ZC3H10: variants seen among roughly 807,000 people sequenced by gnomAD.
The protein encoded by ZC3H10 is zinc finger CCCH domain-containing protein 10.
A neutral mutation model predicts 24.3 loss-of-function variants in ZC3H10; 12 were observed. The ratio of observed to expected loss-of-function variants is 0.49; its 90% CI spans 0.32 to 0.80. The LOEUF (loss-of-function observed/expected upper bound fraction) is 0.80. Ranked by LOEUF, ZC3H10 falls within the 30% of genes least tolerant of loss-of-function variation. The pLI is 0.04. For synonymous variants in ZC3H10, 226 were observed against 217.0 expected (o/e 1.04, Z -0.36); for missense variants, 360 against 576.3 (o/e 0.62, Z 3.84).
intron 2 of ZC3H10, chr12:56,119,785 G>A (rs945210046): frequency 6.6e-6 from 1 of 152,102 alleles, no homozygotes; most frequent in Non-Finnish European, 1.5e-5. Context: ...TAGGAAGGGG[G>A]TGGGGAATGG....
rs1869852833 is a variant in ZC3H10 at position 56,121,849 on chromosome 12, C to G, written c.1287C>G (p.Ile429Met). The G allele has an allele frequency of 1.9e-6, 3 of 1,610,582 alleles. No homozygotes were observed. The African/African-American group carries it at 4.0e-5, about 21-fold the overall frequency. Reference protein sequence around the residue: ...TYPIASQSMRITAMPH With the variant: ...TYPIASQSMRMTAMPH The stretch of plus-strand genomic sequence containing the variant: ...CTATCGCTTCCCAGAGCATGCGCAT[C>G]ACGGCCATGCCACACTGATGGGGCT... Residue 429 changes from isoleucine to methionine, a missense_variant, in exon 3 of 3, where the codon ATC becomes ATG. Physicochemically the swap from Ile to Met is conservative, Grantham distance 10. Coordinates refer to ENST00000257940, the MANE Select transcript of ZC3H10 (RefSeq NM_032786.3). This position sits in a 1 kb window ranked among gnomAD's most constrained non-coding sequence, Gnocchi z 6.2.
chr12:56,124,431 C>T lies in ZC3H10; in HGVS notation c.*2564C>T, dbSNP rs1386607017. The T allele has an allele frequency of 1.3e-5, 2 of 152,208 alleles. No individual in the cohort carries two copies. The highest frequency in any genetic ancestry group is 2.9e-5 in the Non-Finnish European group (2 of 68,036). The allele number at this position is 152,208 out of a possible 1,614,324, so 9.4% of individuals were successfully genotyped here. A position where few individuals can be genotyped will look rare whatever the true frequency, so the allele number is the denominator to read the frequency against. Reference sequence around the variant, plus strand: ...GCCAGTTCCCAGATTACAGGAGCTACTTTCCTCTCTCTCACCTGCTAAGTC... The same window carrying T: ...GCCAGTTCCCAGATTACAGGAGCTATTTTCCTCTCTCTCACCTGCTAAGTC... On this transcript the variant is annotated 3_prime_UTR_variant, in exon 3 of 3. Transcript: ENST00000257940.
intron 1 of ZC3H10, chr12:56,118,656 G>C (rs1869711596): frequency 6.6e-6 from 1 of 152,238 alleles, no homozygotes; most frequent in Non-Finnish European, 1.5e-5. Flanking sequence ...CTTGCTGCGG[G>C]AAAACTCCTA....
chr12:56,127,487 A>G lies in ZC3H10; in HGVS notation c.*5620A>G, dbSNP rs1328811392. On this transcript the variant is annotated 3_prime_UTR_variant, in exon 3 of 3. Transcript: ENST00000257940. ...CTTACTAACTCTTGGAAATTTCCAA[A>G]AAGAAATAAAGCCTCACTTTCTATT... 1 of 152,232 alleles carries G rather than the reference A, an allele frequency of 6.6e-6. No homozygotes were observed. The highest frequency in any genetic ancestry group is 1.5e-5 in the Non-Finnish European group (1 of 68,040). The allele number at this position is 152,232 out of a possible 1,614,324, so 9.4% of individuals were successfully genotyped here. A position where few individuals can be genotyped will look rare whatever the true frequency, so the allele number is the denominator to read the frequency against.
In ZC3H10 at chr12:56,120,958, T is replaced by A. The variant is rs767746603; in HGVS notation, c.396T>A (p.Asn132Lys). Residue 132 changes from asparagine to lysine, a missense_variant, in exon 3 of 3, where the codon AAT (asparagine) becomes AAA (lysine). Around this residue, in one of 3 missense-constraint regions of ZC3H10, gnomAD observed 126 missense variants for 208.8 expected, o/e 0.60. Transcript: ENST00000257940. ...GLGLSPADLP[N>K]GKEEVPICRD... ...GCCTTTCACCGGCTGACCTACCAAA[T>A]GGCAAGGAGGAGGTCCCTATCTGCC... 33 of 1,613,950 alleles carry A rather than the reference T, an allele frequency of 2.0e-5. No individual in the cohort carries two copies. Among genetic ancestry groups the A allele is most frequent in the Non-Finnish European group, 2.7e-5 (32 of 1,180,018 alleles).
chr12:56,120,298 G>A (rs371551009), intron 2 of ZC3H10: 25 of 985,282 alleles, frequency 2.5e-5, no homozygotes, highest in East Asian at 2.3e-4. Flanking sequence ...TCCCTCCTCC[G>A]TTAGCCAGGC....
At chr12:56,120,350 T>G in intron 2 of ZC3H10, 161 bp from the exon 3 acceptor site, 2 of 985,440 alleles carry the variant, frequency 2.0e-6, no homozygotes, top group Non-Finnish European at 2.4e-6. Context: ...CACAAAACCC[T>G]GGGAGGGGCT....
In ZC3H10 at chr12:56,120,590, G is replaced by T; in HGVS notation, c.28G>T (p.Gly10Cys). 6.4e-7 allele frequency: 1 copy of T among 1,564,090 alleles called. No homozygotes were observed. Residue 10 changes from glycine (G) to cysteine (C), a missense_variant, in exon 3 of 3, where the codon GGT becomes TGT. Around this residue, in one of 3 missense-constraint regions of ZC3H10, gnomAD observed 126 missense variants for 208.8 expected, o/e 0.60. Transcript: ENST00000257940. Reference sequence around the variant, plus strand: ...GCCTGACCGGGACAGCTATGCCAACGGTACCGGGAGCAGCGGTGGAGGCCC... The same window carrying T: ...GCCTGACCGGGACAGCTATGCCAACTGTACCGGGAGCAGCGGTGGAGGCCC... MPDRDSYAN[G>C]TGSSGGGPGG...
intron 2 of ZC3H10, 187 bp downstream of exon 2, chr12:56,119,338 T>A (rs1005582693): frequency 1.3e-5 from 2 of 152,242 alleles, no homozygotes; most frequent in Non-Finnish European, 2.9e-5. Flanking sequence ...ATTCTGGGAC[T>A]ACCTCTCTTT....
Position 56,120,545 on chromosome 12 carries a change from G to T in ZC3H10, c.-18G>T. 6.6e-7 allele frequency: 1 copy of T among 1,519,144 alleles called. No homozygotes were observed. The highest frequency in any genetic ancestry group is 1.3e-5 in the South Asian group (1 of 76,396). The allele number at this position is 1,519,144 out of a possible 1,614,324, so 94.1% of individuals were successfully genotyped here. On this transcript the variant is annotated 5_prime_UTR_variant, in exon 3 of 3. Coordinates refer to ENST00000257940, the MANE Select transcript of ZC3H10 (RefSeq NM_032786.3). ...AGAGTGGCAAGATAAAGAAAACCCT[G>T]AGTTGGGCGGGACCAGGATGCCTGA...
Position 56,123,790 on chromosome 12 carries a change from G to A in ZC3H10, c.*1923G>A, listed in dbSNP as rs1565870223. ...CCATAGATACCAACATGAATTCTCA[G>A]TCAAATCCTGACTGACTTTATTTCC... On this transcript the variant is annotated 3_prime_UTR_variant, in exon 3 of 3. Coordinates refer to ENST00000257940, the MANE Select transcript of ZC3H10 (RefSeq NM_032786.3). The A allele has an allele frequency of 6.6e-6, 1 of 152,302 alleles. No homozygotes were observed. Among genetic ancestry groups the A allele is most frequent in the East Asian group, 1.9e-4 (1 of 5,190 alleles). The allele number at this position is 152,302 out of a possible 1,614,324, so 9.4% of individuals were successfully genotyped here.
At position 56,121,590 on chromosome 12, in the gene ZC3H10, C is replaced by A; in HGVS notation, c.1028C>A (p.Thr343Asn). 6 of 1,613,942 alleles carry A rather than the reference C, an allele frequency of 3.7e-6. No individual in the cohort carries two copies. The highest frequency in any genetic ancestry group is 4.2e-6 in the Non-Finnish European group (5 of 1,179,912). The change falls in exon 3 of 3, where the codon ACT becomes AAT. Residue 343 changes from threonine to asparagine, a missense_variant. Thr to Asn is a moderately conservative substitution (Grantham distance 65, BLOSUM62 0). This residue lies in a region of ZC3H10 where 133 missense variants were observed against 256.7 expected (regional missense o/e 0.52). Coordinates refer to ENST00000257940, the MANE Select transcript of ZC3H10 (RefSeq NM_032786.3). This position sits in a 1 kb window ranked among gnomAD's most constrained non-coding sequence, Gnocchi z 6.2. Reference sequence around the variant, plus strand: ...GCTGGAGCTCCAGCTGCTCCCCCAACTAATGCTGCACCTCCTGCTGCTCCA... The same window carrying A: ...GCTGGAGCTCCAGCTGCTCCCCCAAATAATGCTGCACCTCCTGCTGCTCCA... ...APAGAPAAPP[T>N]NAAPPAAPPP...
At position 56,123,263 on chromosome 12, in the gene ZC3H10, C is replaced by G. The variant is rs1262224609; in HGVS notation, c.*1396C>G. On this transcript the variant is annotated 3_prime_UTR_variant, in exon 3 of 3. Transcript: ENST00000257940. Reference sequence around the variant, plus strand: ...TCATCATGTCTCCTGCTACCTCTTGCTTTCTTGTCTGGTTGATCACTCAGG... The same window carrying G: ...TCATCATGTCTCCTGCTACCTCTTGGTTTCTTGTCTGGTTGATCACTCAGG... 1 of 151,718 alleles carries G rather than the reference C, an allele frequency of 6.6e-6. No homozygotes were observed. The highest frequency in any genetic ancestry group is 1.5e-5 in the Non-Finnish European group (1 of 67,992). 9.4% of individuals were successfully genotyped at this position (151,718 alleles called of 1,614,324 possible).
Position 56,122,037 on chromosome 12 carries a change from C to A in ZC3H10, c.*170C>A. ...GGGGTTGGGATGGTGTGTTTTCTCTCACCTCCCTTTTATGAGGGTCCTCTT... is the reference window on the plus strand; with the variant it reads ...GGGGTTGGGATGGTGTGTTTTCTCTAACCTCCCTTTTATGAGGGTCCTCTT... On this transcript the variant is annotated 3_prime_UTR_variant, in exon 3 of 3. Transcript: ENST00000257940. 1 of 799,752 alleles carries A rather than the reference C, an allele frequency of 1.3e-6. No homozygotes were observed. The highest frequency in any genetic ancestry group is 1.9e-6 in the Non-Finnish European group (1 of 517,280). The allele number at this position is 799,752 out of a possible 1,614,324, so 49.5% of individuals were successfully genotyped here.
Position 56,120,547 on chromosome 12 carries a change from G to C in ZC3H10, c.-16G>C. ...AGTGGCAAGATAAAGAAAACCCTGA[G>C]TTGGGCGGGACCAGGATGCCTGACC... On this transcript the variant is annotated 5_prime_UTR_variant, in exon 3 of 3. Transcript: ENST00000257940. 1 of 1,520,664 alleles carries C rather than the reference G, an allele frequency of 6.6e-7. No homozygotes were observed. The highest frequency in any genetic ancestry group is 8.8e-7 in the Non-Finnish European group (1 of 1,140,216). 94.2% of individuals were successfully genotyped at this position (1,520,664 alleles called of 1,614,324 possible).
At chr12:56,119,252 G>A (rs1391078842) in intron 2 of ZC3H10, 101 bp downstream of exon 2, 1 of 152,540 alleles carries the variant, frequency 6.6e-6, no homozygotes, top group Admixed American at 6.5e-5. Context: ...GATGGCATTT[G>A]TACTTCACCT....
Position 56,126,888 on chromosome 12 carries a change from A to G in ZC3H10, c.*5021A>G, listed in dbSNP as rs1372530775. The G allele has an allele frequency of 6.6e-6, 1 of 152,238 alleles. No homozygotes were observed. The highest frequency in any genetic ancestry group is 1.5e-5 in the Non-Finnish European group (1 of 68,042). 9.4% of individuals were successfully genotyped at this position (152,238 alleles called of 1,614,324 possible). On this transcript the variant is annotated 3_prime_UTR_variant, in exon 3 of 3. Transcript: ENST00000257940. The stretch of plus-strand genomic sequence containing the variant: ...TAAGTGATAGAGGCTGAGCAGGGAC[A>G]GGTTTTAAGCAGCTTTGGTAAACAC...
In ZC3H10 at chr12:56,122,979, C is replaced by T. The variant is rs1175650653; in HGVS notation, c.*1112C>T. ...TACCCCACCCCTTCAGTGGCCAGTTCCTGAAGCCTTCAAGGCTTGGGAGGT... is the reference window on the plus strand; with the variant it reads ...TACCCCACCCCTTCAGTGGCCAGTTTCTGAAGCCTTCAAGGCTTGGGAGGT... On this transcript the variant is annotated 3_prime_UTR_variant, in exon 3 of 3. Coordinates refer to ENST00000257940, the MANE Select transcript of ZC3H10 (RefSeq NM_032786.3). 1 of 152,266 alleles carries T rather than the reference C, an allele frequency of 6.6e-6. No individual in the cohort carries two copies. The highest frequency in any genetic ancestry group is 2.1e-4 in the South Asian group (1 of 4,830). The allele number at this position is 152,266 out of a possible 1,614,324, so 9.4% of individuals were successfully genotyped here.
Position 56,120,760 on chromosome 12 carries a change from G to A in ZC3H10, c.198G>A (p.Val66=). 8.1e-6 allele frequency: 13 copies of A among 1,614,060 alleles called. No homozygotes were observed. Among genetic ancestry groups the A allele is most frequent in the East Asian group, 4.5e-5 (2 of 44,890 alleles). Residue 66 remains valine (V), a synonymous_variant, in exon 3 of 3, where the codon GTG becomes GTA. Transcript: ENST00000257940. ...CRYRHPDMSE[V]SNLGVSKNEF... is the part of the protein sequence containing the mutation. ...ATCGCCACCCAGACATGAGCGAGGT[G>A]TCCAACTTGGGGGTGAGCAAAAACG...
Sources: gnomAD v4.1 joint callset for allele counts on GRCh38, gnomAD v4.1.1 for gene constraint, gnomAD v4.1.1 regional missense constraint, Gnocchi (gnomAD v3.1) non-coding constraint, MANE v1.5 for transcripts, NCBI Gene and HGNC (gene_info 2026-07-23, HGNC 2026-07-21) for gene names.